The following MACF1 variants were observed in gnomAD, a reference collection of about 807,000 sequenced individuals.
MACF1 encodes the protein microtubule-actin cross-linking factor 1.
A neutral mutation model predicts 854.8 loss-of-function variants in MACF1; 193 were observed. That is an observed-to-expected ratio of 0.23 (90% CI 0.20 to 0.25). MACF1 has a LOEUF of 0.25. Ranked by LOEUF, MACF1 falls within the 10% of genes least tolerant of loss-of-function variation. The pLI is 1.00. For synonymous variants in MACF1, 3,185 were observed against 3,226.7 expected (o/e 0.99, Z 0.44); for missense variants, 7,722 against 8,929.1 (o/e 0.86, Z 5.45).
At chr1:39,230,649 G>T (rs75566285) in intron 1 of MACF1, among the ~76,000 whole-genome samples, 3,476 of 152,056 alleles carry the variant, frequency 0.023, 83 homozygotes, top group East Asian at 0.13. Flanking sequence ...AGAGAGGGAA[G>T]AGATGTGCAG....
At chr1:39,175,544 G>A (rs1044430654) in intron 2 of MACF1, among the ~76,000 whole-genome samples, 2 of 152,116 alleles carry the variant, frequency 1.3e-5, no homozygotes, top group East Asian at 3.9e-4. Flanking sequence ...GCAAACTTTT[G>A]TACTGTTTAT....
At chr1:39,109,332 C>T (rs574474286) in intron 2 of MACF1, among the ~76,000 whole-genome samples, 10 of 152,178 alleles carry the variant, frequency 6.6e-5, no homozygotes, top group Non-Finnish European at 1.0e-4. Flanking sequence ...TGCAGTGGCA[C>T]GATCTCACCT....
intron 55 of MACF1, among the ~76,000 whole-genome samples, 167 bp from the exon 56 acceptor site, chr1:39,381,786 T>A (rs373322938): frequency 1.3e-5 from 2 of 152,268 alleles, no homozygotes; most frequent in East Asian, 3.9e-4. Context: ...GCCATGATCG[T>A]GCCACTGCTC....
chr1:39,382,758 G>A (rs905451842), intron 56 of MACF1, among the ~76,000 whole-genome samples: 5 of 151,676 alleles, frequency 3.3e-5, no homozygotes, highest in Admixed American at 2.0e-4. Context: ...TATATCTGCC[G>A]GCTTTACATA....
At chr1:39,281,791 AT>A (rs1257047152) in intron 6 of MACF1, among the ~76,000 whole-genome samples, 1 of 152,346 alleles carries the variant, frequency 6.6e-6, no homozygotes, top group East Asian at 1.9e-4. Context: ...CATGTTTATT[AT>A]GCTTTGATAA....
chr1:39,395,514 G>A lies in MACF1; in HGVS notation c.15816+6856G>A, dbSNP rs113633643. Among the ~76,000 whole-genome samples, 467 of 152,296 alleles carry A rather than the reference G, an allele frequency of 3.1e-3. 3 individuals carry two copies. Among genetic ancestry groups the A allele is most frequent in the Middle Eastern group, 6.8e-3 (2 of 294 alleles). On this transcript the variant is annotated intron_variant, in intron 58 of 100. Coordinates refer to ENST00000564288, the MANE Select transcript of MACF1 (RefSeq NM_001394062.1). ...GTCACTTTCCCTGGCTGGAATTTAC[G>A]TACAGTTGTCAGTTGTTGATGCAGG... is the stretch of plus-strand genomic sequence containing the variant.
At position 39,315,605 on chromosome 1, in the gene MACF1, A is replaced by G; in HGVS notation, c.3363A>G (p.Ser1121=). 1 of 1,614,144 alleles carries G rather than the reference A, an allele frequency of 6.2e-7. No individual in the cohort carries two copies. The highest frequency in any genetic ancestry group is 1.1e-5 in the South Asian group (1 of 91,086). The stretch of plus-strand genomic sequence containing the variant: ...TTCTCCATCAGTCTCCATCTAGTTC[A>G]AGTGTCCCAACTCTGCGCTCAGAAC... ...DSFLHQSPSS[S]SVPTLRSELN... Residue 1121 remains serine, a synonymous_variant, in exon 27 of 101, where the codon TCA becomes TCG. Transcript: ENST00000564288.
In MACF1 at chr1:39,486,727, T is replaced by C. The variant is rs2124278146; in HGVS notation, c.*933T>C. On this transcript the variant is annotated 3_prime_UTR_variant, in exon 101 of 101. Coordinates refer to ENST00000564288, the MANE Select transcript of MACF1 (RefSeq NM_001394062.1). Reference sequence around the variant, plus strand: ...GTAAGACAAACACGTGCTCGTCCTTTAATGGAGTTCACCAGCACACTTGTT... The same window carrying C: ...GTAAGACAAACACGTGCTCGTCCTTCAATGGAGTTCACCAGCACACTTGTT... The C allele has an allele frequency of 6.5e-6, 1 of 152,810 alleles. No individual in the cohort carries two copies. Among genetic ancestry groups the C allele is most frequent in the Non-Finnish European group, 1.5e-5 (1 of 68,042 alleles). 9.5% of individuals were successfully genotyped at this position (152,810 alleles called of 1,614,324 possible). A position where few individuals can be genotyped will look rare whatever the true frequency, so the allele number is the denominator to read the frequency against.
chr1:39,348,444 C>T (rs1320088398), intron 41 of MACF1, among the ~76,000 whole-genome samples: 5 of 152,184 alleles, frequency 3.3e-5, no homozygotes, highest in African/African-American at 1.2e-4. Flanking sequence ...CAGAAATGCT[C>T]TGCTTCTCTC....
At chr1:39,279,706 A>G (rs1645506601) in intron 6 of MACF1, among the ~76,000 whole-genome samples, 1 of 152,170 alleles carries the variant, frequency 6.6e-6, no homozygotes, top group Non-Finnish European at 1.5e-5. Context: ...TAATCCTTAT[A>G]ATGATCCTTT....
At chr1:39,337,548 A>G (rs1351275789) in intron 38 of MACF1, among the ~76,000 whole-genome samples, 1 of 147,934 alleles carries the variant, frequency 6.8e-6, no homozygotes, top group Admixed American at 6.9e-5. Flanking sequence ...TTGGCTATCA[A>G]TGTAATTACT....
chr1:39,361,430 T>C lies in MACF1; in HGVS notation c.12524T>C (p.Met4175Thr). ...EATREMVTRF[M>T]ETADSTTAAV... ...ACCCGTGAGATGGTGACCCGATTCATGGAGACAGCAGACAGTACTACAGCA... is the reference window on the plus strand; with the variant it reads ...ACCCGTGAGATGGTGACCCGATTCACGGAGACAGCAGACAGTACTACAGCA... Residue 4175 changes from methionine to threonine, a missense_variant, in exon 49 of 101, where the codon ATG (methionine) becomes ACG (threonine). This residue lies in a region of MACF1 where 2,807 missense variants were observed against 3,235.8 expected (regional missense o/e 0.87). Coordinates refer to ENST00000564288, the MANE Select transcript of MACF1 (RefSeq NM_001394062.1). 6 of 1,614,124 alleles carry C rather than the reference T, an allele frequency of 3.7e-6. No homozygotes were observed. Among genetic ancestry groups the C allele is most frequent in the Non-Finnish European group, 5.1e-6 (6 of 1,180,044 alleles).
intron 44 of MACF1, among the ~76,000 whole-genome samples, chr1:39,354,073 C>T (rs1052607308): frequency 6.6e-6 from 1 of 152,204 alleles, no homozygotes; most frequent in African/African-American, 2.4e-5. Context: ...GGTTAACTCT[C>T]CTCTCAGCCC....
At chr1:39,248,548 A>G (rs1165438671) in intron 2 of MACF1, among the ~76,000 whole-genome samples, 1 of 151,540 alleles carries the variant, frequency 6.6e-6, no homozygotes, top group South Asian at 2.1e-4. Context: ...ATAATTGGAA[A>G]GGACTTCAGT....
Position 39,379,193 on chromosome 1 carries a change from A to C in MACF1, c.13277-10A>C. On this transcript the variant is annotated splice_polypyrimidine_tract_variant and intron_variant, in intron 53 of 100. Transcript: ENST00000564288. ...TGTCTCCAATCTGATTTCTGTTTCT[A>C]TGATACTAGATCTGACGGAGATCCA... 6.4e-7 allele frequency: 1 copy of C among 1,563,196 alleles called. No individual in the cohort carries two copies. Among genetic ancestry groups the C allele is most frequent in the African/African-American group, 1.4e-5 (1 of 73,218 alleles).
intron 97 of MACF1, among the ~76,000 whole-genome samples, chr1:39,477,380 A>C (rs1644929505): frequency 6.6e-6 from 1 of 151,752 alleles, no homozygotes; most frequent in Non-Finnish European, 1.5e-5. Flanking sequence ...ACATGCCACC[A>C]TGCCTAGCTA....
At chr1:39,369,201 A>G (rs1298682496) in intron 50 of MACF1, among the ~76,000 whole-genome samples, 1 of 152,056 alleles carries the variant, frequency 6.6e-6, no homozygotes, top group African/African-American at 2.4e-5. Context: ...TCTTCTTTCA[A>G]GGCAAACAAG....
chr1:39,294,672 T>C (rs532061253), intron 18 of MACF1, among the ~76,000 whole-genome samples: 1 of 152,324 alleles, frequency 6.6e-6, no homozygotes, highest in South Asian at 2.1e-4. Flanking sequence ...CATTGTAGGC[T>C]GAATAGTCTA....
chr1:39,319,983 T>C lies in MACF1; in HGVS notation c.4029+236T>C, dbSNP rs556009287. ...TCTCCATTTGCGTGACCGTAGGCCC[T>C]TTAAACTTAACATGGCAAAAACAGA... is the stretch of plus-strand genomic sequence containing the variant. On this transcript the variant is annotated intron_variant, in intron 31 of 100. Coordinates refer to ENST00000564288, the MANE Select transcript of MACF1 (RefSeq NM_001394062.1). Among the ~76,000 whole-genome samples the C allele has an allele frequency of 3.3e-5, 5 of 152,328 alleles. No homozygotes were observed. In the East Asian group the frequency reaches 7.7e-4, roughly 24 times the overall value.
Sources: allele counts gnomAD v4.1 joint callset (sites outside exome capture counted in the v4.1 genomes callset), GRCh38; gene constraint gnomAD v4.1.1; regional missense constraint gnomAD v4.1.1; transcripts MANE v1.5; gene names NCBI Gene and HGNC (gene_info 2026-07-23, HGNC 2026-07-21).